CEP63: variants seen among roughly 807,000 people sequenced by gnomAD.
CEP63 encodes the protein centrosomal protein of 63 kDa.
Under a neutral mutation model 89.1 loss-of-function variants are expected in CEP63, and 84 were observed. The observed-to-expected ratio is 0.94, with a 90% CI of 0.79 to 1.13. CEP63 has a LOEUF of 1.13. Ranked by LOEUF, CEP63 falls within the 50% of genes most tolerant of loss-of-function variation. The pLI, the probability that CEP63 is intolerant of heterozygous loss-of-function variation, is 0.00. For synonymous variants in CEP63, 267 were observed against 272.5 expected, an observed-to-expected ratio of 0.98 and a Z score of 0.20; for missense variants, 838 against 813.3, an observed-to-expected ratio of 1.03 and a Z score of -0.37.
At chr3:134,634,369 CACA>C in the CEP63 span, among the ~76,000 whole-genome samples, 1 of 151,962 alleles carries the variant, frequency 6.6e-6, no homozygotes, top group African/African-American at 2.4e-5. Context: ...AAGCTGTAAT[CACA>C]ACAATGTGAT....
the CEP63 span, among the ~76,000 whole-genome samples, chr3:134,694,372 C>T: frequency 2.6e-5 from 4 of 152,220 alleles, no homozygotes; most frequent in African/African-American, 9.6e-5. Flanking sequence ...CAGTTGACAT[C>T]CTGCTCAGCA....
At chr3:134,505,569 G>A (rs1275223325) in intron 2 of CEP63, among the ~76,000 whole-genome samples, 1 of 152,200 alleles carries the variant, frequency 6.6e-6, no homozygotes, top group Non-Finnish European at 1.5e-5. Context: ...GATAGTAGCA[G>A]GCAGGGCAGA....
chr3:134,678,558 C>T, the CEP63 span, among the ~76,000 whole-genome samples: 2 of 152,228 alleles, frequency 1.3e-5, no homozygotes, highest in Non-Finnish European at 2.9e-5. Flanking sequence ...CTAACACTCT[C>T]CAGCCACTCA....
Position 134,552,013 on chromosome 3 carries a change from G to C in CEP63, c.1467+1G>C. 6.4e-7 allele frequency: 1 copy of C among 1,560,136 alleles called. No individual in the cohort carries two copies. Among genetic ancestry groups the C allele is most frequent in the Admixed American group, 1.7e-5 (1 of 59,152 alleles). On this transcript the variant is annotated splice_donor_variant, in intron 12 of 14. Transcript: ENST00000675561. LOFTEE classifies it high-confidence loss of function. ...GAAATTGGAATTGGGTTTACATGAG[G>C]TACATAAATAGAAACTTAAGTTTTT...
At chr3:134,646,293 T>C in the CEP63 span, among the ~76,000 whole-genome samples, 2 of 152,088 alleles carry the variant, frequency 1.3e-5, no homozygotes, top group African/African-American at 2.4e-5. Context: ...ATTGCACCCA[T>C]GCATGCCTGT....
At chr3:134,720,384 T>G in the CEP63 span, among the ~76,000 whole-genome samples, 1 of 152,184 alleles carries the variant, frequency 6.6e-6, no homozygotes, top group Admixed American at 6.5e-5. Flanking sequence ...ATATCTGATT[T>G]GCAAATATTT....
At chr3:134,717,602 G>A in the CEP63 span, among the ~76,000 whole-genome samples, 1 of 152,174 alleles carries the variant, frequency 6.6e-6, no homozygotes, top group Non-Finnish European at 1.5e-5. Context: ...AACATAGTGT[G>A]TGTACATTTA....
At chr3:134,522,774 C>T (rs1229690811) in intron 3 of CEP63, among the ~76,000 whole-genome samples, 1 of 152,050 alleles carries the variant, frequency 6.6e-6, no homozygotes, top group African/African-American at 2.4e-5. Flanking sequence ...CATAGTATTC[C>T]AATGTACCTC....
chr3:134,625,719 G>A, the CEP63 span, among the ~76,000 whole-genome samples: 7 of 152,254 alleles, frequency 4.6e-5, no homozygotes, highest in Non-Finnish European at 8.8e-5. Flanking sequence ...TTTGCCCTTG[G>A]TCAACTGGAG....
the CEP63 span, among the ~76,000 whole-genome samples, chr3:134,752,028 A>C: frequency 6.6e-6 from 1 of 152,176 alleles, no homozygotes; most frequent in Non-Finnish European, 1.5e-5. Flanking sequence ...GGCCTGACTC[A>C]AGCCAGCAGG....
At chr3:134,516,126 T>C (rs542001401) in intron 3 of CEP63, among the ~76,000 whole-genome samples, 80 of 152,244 alleles carry the variant, frequency 5.3e-4, no homozygotes, top group African/African-American at 1.9e-3. Flanking sequence ...CTTGGGTGTT[T>C]CTCGGAGAGG....
chr3:134,662,283 G>GAA, the CEP63 span, among the ~76,000 whole-genome samples: 12,832 of 145,980 alleles, frequency 0.088, 771 homozygotes, highest in South Asian at 0.25. Context: ...TCTCAAAAAA[G>GAA]AAAAAAAAAA....
chr3:134,640,661 A>G, the CEP63 span, among the ~76,000 whole-genome samples: 1 of 152,236 alleles, frequency 6.6e-6, no homozygotes, highest in Non-Finnish European at 1.5e-5. Flanking sequence ...ACAGCTTTCC[A>G]AAATGGCAGG....
chr3:134,747,562 G>A, the CEP63 span, among the ~76,000 whole-genome samples: 91 of 152,318 alleles, frequency 6.0e-4, no homozygotes, highest in African/African-American at 2.0e-3. Context: ...GTGGTGAAAA[G>A]TTCCACGTGA....
At chr3:134,664,028 G>A in the CEP63 span, among the ~76,000 whole-genome samples, 5 of 152,270 alleles carry the variant, frequency 3.3e-5, no homozygotes, top group East Asian at 1.9e-4. Context: ...AGGGGTGGGC[G>A]GACTGTGGGG....
At chr3:134,722,082 C>T in the CEP63 span, among the ~76,000 whole-genome samples, 1 of 151,974 alleles carries the variant, frequency 6.6e-6, no homozygotes, top group South Asian at 2.1e-4. Flanking sequence ...TAGAATTCAC[C>T]AGTGAATCCC....
downstream of CEP63, among the ~76,000 whole-genome samples, chr3:134,579,570 T>A (rs62271513): frequency 4.7e-4 from 71 of 152,148 alleles, no homozygotes; most frequent in Non-Finnish European, 8.4e-4. Context: ...TATTAGCTAT[T>A]CATATGTTTT....
chr3:134,673,450 A>T, the CEP63 span, among the ~76,000 whole-genome samples: 1 of 152,110 alleles, frequency 6.6e-6, no homozygotes, highest in African/African-American at 2.4e-5. Context: ...GTGGTCCATC[A>T]AAATGGCTCT....
intron 1 of CEP63, among the ~76,000 whole-genome samples, chr3:134,493,703 C>T (rs1938568671): frequency 6.6e-6 from 1 of 152,164 alleles, no homozygotes; most frequent in African/African-American, 2.4e-5. Flanking sequence ...ATATTTATCA[C>T]ACTGGGAAAG....
Sources: allele counts gnomAD v4.1 joint callset (sites outside exome capture counted in the v4.1 genomes callset), GRCh38; gene constraint gnomAD v4.1.1; transcripts MANE v1.5; gene names NCBI Gene and HGNC (gene_info 2026-07-23, HGNC 2026-07-21).